CCDC179: variants seen among roughly 807,000 people sequenced by gnomAD.
CCDC179 encodes coiled-coil domain containing 179.
A neutral mutation model predicts 12.0 loss-of-function variants in CCDC179; 17 were observed. The observed-to-expected ratio is 1.42, with a 90% confidence interval of 0.97 to 2.13. The LOEUF (loss-of-function observed/expected upper bound fraction) is 2.13, where lower values mean the gene tolerates loss of function less well. Ranked by LOEUF, CCDC179 falls within the 30% of genes most tolerant of loss-of-function variation. The pLI, the probability that CCDC179 is intolerant of heterozygous loss-of-function variation, is 0.00. For missense variants in CCDC179, 83 were observed against 78.6 expected (o/e 1.06, Z -0.21); for synonymous variants, 27 against 26.4 (o/e 1.02, Z -0.07).
At chr11:22,847,897 A>G (rs1337828802) in intron 3 of CCDC179, among the ~76,000 whole-genome samples, 2 of 152,170 alleles carry the variant, frequency 1.3e-5, no homozygotes, top group East Asian at 3.9e-4. Context: ...GAGATGTTAA[A>G]TAAGGCTTTT....
At chr11:22,858,572 A>G (rs1487642630) in intron 2 of CCDC179, among the ~76,000 whole-genome samples, 3 of 152,094 alleles carry the variant, frequency 2.0e-5, no homozygotes, top group East Asian at 1.9e-4. Context: ...TGAAGTATCA[A>G]TTGGTACAAT....
chr11:22,853,641 ATGTACAAT>A (rs1284599684), intron 3 of CCDC179, among the ~76,000 whole-genome samples: 1 of 136,882 alleles, frequency 7.3e-6, no homozygotes, highest in African/African-American at 2.6e-5. Flanking sequence ...AAGTATAAAT[ATGTACAAT>A]TGGAAAAAAA....
chr11:22,851,201 G>A (rs915774629), intron 3 of CCDC179, among the ~76,000 whole-genome samples: 9 of 150,988 alleles, frequency 6.0e-5, no homozygotes, highest in Admixed American at 3.3e-4. Flanking sequence ...GATAGTTAAG[G>A]CAAAACAATA....
At position 22,850,749 on chromosome 11, in the gene CCDC179, A is replaced by C. The variant is rs565148009; in HGVS notation, c.196-3228T>G. Among the ~76,000 whole-genome samples, 459 of 151,790 alleles carry C rather than the reference A, an allele frequency of 3.0e-3. 2 individuals carry two copies. Among genetic ancestry groups the C allele is most frequent in the African/African-American group, 0.011 (440 of 41,396 alleles). On this transcript the variant is annotated intron_variant, in intron 3 of 3. Coordinates refer to ENST00000532798, the MANE Select transcript of CCDC179 (RefSeq NM_001195637.2). ...ATGGTACTAGATATTGAAATGACAAAGGGATAGAAAGAGTAACCAAAATAA... is the reference window on the plus strand; with the variant it reads ...ATGGTACTAGATATTGAAATGACAACGGGATAGAAAGAGTAACCAAAATAA...
At chr11:22,850,238 A>G (rs529428585) in intron 3 of CCDC179, among the ~76,000 whole-genome samples, 2 of 152,336 alleles carry the variant, frequency 1.3e-5, no homozygotes, top group East Asian at 1.9e-4. Context: ...TTAGGAGGAA[A>G]ATGATTTGGA....
intron 3 of CCDC179, among the ~76,000 whole-genome samples, chr11:22,857,694 C>A (rs1452949961): frequency 6.6e-6 from 1 of 151,676 alleles, no homozygotes; most frequent in Non-Finnish European, 1.5e-5. Flanking sequence ...GAGTCCAGAA[C>A]AACCTGGTTT....
intron 3 of CCDC179, among the ~76,000 whole-genome samples, chr11:22,854,892 A>G (rs1451403716): frequency 6.6e-6 from 1 of 151,764 alleles, no homozygotes; most frequent in Admixed American, 6.6e-5. Context: ...TGCTAACAGT[A>G]ATCAACAGAA....
In CCDC179 at chr11:22,857,961, C is replaced by T. The variant is rs1858566125; in HGVS notation, c.156G>A (p.Arg52=). 4 of 1,528,992 alleles carry T rather than the reference C, an allele frequency of 2.6e-6. No individual in the cohort carries two copies. The highest frequency in any genetic ancestry group is 3.5e-6 in the Non-Finnish European group (4 of 1,143,638). 94.7% of individuals were successfully genotyped at this position (1,528,992 alleles called of 1,614,324 possible). A position where few individuals can be genotyped will look rare whatever the true frequency, so the allele number is the denominator to read the frequency against. ...LKKEKRRLNK[R]FSRPSPIPEP... is the part of the protein sequence containing the mutation. ...CTGGAATAGGAGAAGGCCTTGAAAACCTTTTATTCAGTCTCCTCTTCTCTT... is the reference window on the plus strand; with the variant it reads ...CTGGAATAGGAGAAGGCCTTGAAAATCTTTTATTCAGTCTCCTCTTCTCTT... Residue 52 remains arginine (R), a synonymous_variant, in exon 3 of 4, where the codon AGG becomes AGA. Transcript: ENST00000532798.
At position 22,846,940 on chromosome 11, in the gene CCDC179, A is replaced by G. The variant is rs1858235857; in HGVS notation, c.*570T>C. On this transcript the variant is annotated 3_prime_UTR_variant, in exon 4 of 4. Coordinates refer to ENST00000532798, the MANE Select transcript of CCDC179 (RefSeq NM_001195637.2). ...GAAAGATTTTAGAGAGTCAGCAATAATTATAATTTATTTCATACCTAAAAG... is the reference window on the plus strand; with the variant it reads ...GAAAGATTTTAGAGAGTCAGCAATAGTTATAATTTATTTCATACCTAAAAG... 6.6e-6 allele frequency: 1 copy of G among 152,142 alleles called. No homozygotes were observed. The highest frequency in any genetic ancestry group is 2.1e-4 in the South Asian group (1 of 4,828). The allele number at this position is 152,142 out of a possible 1,614,324, so 9.4% of individuals were successfully genotyped here.
At chr11:22,857,299 G>A (rs112966696) in intron 3 of CCDC179, among the ~76,000 whole-genome samples, 2,981 of 151,596 alleles carry the variant, frequency 0.02, 59 homozygotes, top group Non-Finnish European at 0.03. Context: ...AGACAGTATG[G>A]TATTGATGAA....
Position 22,857,961 on chromosome 11 carries a change from C to G in CCDC179, c.156G>C (p.Arg52Ser), listed in dbSNP as rs1858566125. ...CTGGAATAGGAGAAGGCCTTGAAAA[C>G]CTTTTATTCAGTCTCCTCTTCTCTT... ...LKKEKRRLNK[R>S]FSRPSPIPEP... The change falls in exon 3 of 4, where the codon AGG becomes AGC. Residue 52 changes from arginine to serine, a missense_variant. Coordinates refer to ENST00000532798, the MANE Select transcript of CCDC179 (RefSeq NM_001195637.2). 1 of 1,528,992 alleles carries G rather than the reference C, an allele frequency of 6.5e-7. No individual in the cohort carries two copies. Among genetic ancestry groups the G allele is most frequent in the African/African-American group, 1.4e-5 (1 of 72,674 alleles). The allele number at this position is 1,528,992 out of a possible 1,614,324, so 94.7% of individuals were successfully genotyped here. A position where few individuals can be genotyped will look rare whatever the true frequency, so the allele number is the denominator to read the frequency against.
chr11:22,848,025 C>T (rs556225306), intron 3 of CCDC179, among the ~76,000 whole-genome samples: 52 of 151,940 alleles, frequency 3.4e-4, no homozygotes, highest in African/African-American at 1.2e-3. Context: ...AAATAAAAGA[C>T]AAGAAAAATG....
At chr11:22,860,299 G>A (rs1564918356) in intron 1 of CCDC179, 78 bp downstream of exon 1, 3 of 1,461,900 alleles carry the variant, frequency 2.1e-6, no homozygotes. Flanking sequence ...AAGCACCATG[G>A]CCAAGGCCAC....
At chr11:22,856,972 A>T (rs575411396) in intron 3 of CCDC179, among the ~76,000 whole-genome samples, 2 of 151,670 alleles carry the variant, frequency 1.3e-5, no homozygotes, top group Non-Finnish European at 3.0e-5. Flanking sequence ...CCAAGAAAAT[A>T]TGTATAAAAT....
At chr11:22,853,515 G>GA (rs1858460862) in intron 3 of CCDC179, among the ~76,000 whole-genome samples, 1 of 151,748 alleles carries the variant, frequency 6.6e-6, no homozygotes, top group Admixed American at 6.6e-5. Flanking sequence ...GAACTCAGAG[G>GA]AAAAAAACTA....
intron 2 of CCDC179, 69 bp downstream of exon 2, chr11:22,859,383 T>C: frequency 9.3e-7 from 1 of 1,073,798 alleles, no homozygotes. Context: ...TAGGGACCAC[T>C]ACATAAAGGA....
chr11:22,851,792 C>T (rs1858409831), intron 3 of CCDC179, among the ~76,000 whole-genome samples: 1 of 152,106 alleles, frequency 6.6e-6, no homozygotes, highest in South Asian at 2.1e-4. Flanking sequence ...TGGCTGGAGG[C>T]TCAGTATGCA....
intron 3 of CCDC179, among the ~76,000 whole-genome samples, chr11:22,854,653 G>A (rs1858493734): frequency 6.6e-6 from 1 of 151,582 alleles, no homozygotes; most frequent in East Asian, 1.9e-4. Context: ...GAAGAAGAAT[G>A]GAAAAGTAAA....
chr11:22,854,600 G>A (rs1245977426), intron 3 of CCDC179, among the ~76,000 whole-genome samples: 3 of 151,674 alleles, frequency 2.0e-5, no homozygotes, highest in Non-Finnish European at 4.4e-5. Context: ...TAAGACAGGA[G>A]AGAATATTAA....
Sources: allele counts gnomAD v4.1 joint callset (sites outside exome capture counted in the v4.1 genomes callset), GRCh38; gene constraint gnomAD v4.1.1; transcripts MANE v1.5; gene names NCBI Gene and HGNC (gene_info 2026-07-23, HGNC 2026-07-21).